Variants in CNTNAP2 observed in about 807,000 individuals in gnomAD.
CNTNAP2 encodes contactin associated protein 2.
CNTNAP2 carries 98 observed loss-of-function variants against 155.2 expected under a neutral mutation model. The ratio of observed to expected loss-of-function variants is 0.63; its 90% CI spans 0.54 to 0.75. CNTNAP2 has a LOEUF of 0.75. CNTNAP2 is among the 30% of genes least tolerant of loss of function. The pLI is 0.00. For missense variants in CNTNAP2, 1,727 were observed against 1,688.1 expected (o/e 1.02, Z -0.40); for synonymous variants, 651 against 631.2 (o/e 1.03, Z -0.47).
chr7:147,517,606 A>T (rs1220137672), intron 11 of CNTNAP2, among the ~76,000 whole-genome samples: 1 of 152,234 alleles, frequency 6.6e-6, no homozygotes, highest in Non-Finnish European at 1.5e-5. Context: ...AGCTATGATA[A>T]ACAAGAGGAA....
chr7:146,156,003 C>T (rs573901628), intron 1 of CNTNAP2, among the ~76,000 whole-genome samples: 3 of 151,994 alleles, frequency 2.0e-5, no homozygotes, highest in South Asian at 4.2e-4. Flanking sequence ...TACACTTGGG[C>T]GACAATATCA....
At chr7:147,134,351 T>A (rs1801436851) in intron 8 of CNTNAP2, among the ~76,000 whole-genome samples, 1 of 152,076 alleles carries the variant, frequency 6.6e-6, no homozygotes, top group Admixed American at 6.6e-5. Context: ...TTAATAGATT[T>A]GCTTAAACCT....
intron 10 of CNTNAP2, among the ~76,000 whole-genome samples, chr7:147,471,128 C>T (rs1339108747): frequency 6.6e-6 from 1 of 152,082 alleles, no homozygotes; most frequent in Non-Finnish European, 1.5e-5. Flanking sequence ...GGAGACAAAG[C>T]CTAATCACCT....
chr7:146,483,313 A>ACTCCG (rs1797003511), intron 1 of CNTNAP2, among the ~76,000 whole-genome samples: 1 of 92,870 alleles, frequency 1.1e-5, no homozygotes. Context: ...ATATATATAT[A>ACTCCG]TATATATATA....
At position 147,953,678 on chromosome 7, in the gene CNTNAP2, T is replaced by C. The variant is rs182020910; in HGVS notation, c.2256-24184T>C. 1.4e-4 allele frequency among the ~76,000 whole-genome samples: 22 copies of C among 152,080 alleles called. No homozygotes were observed. In the East Asian group the frequency reaches 3.3e-3, roughly 23 times the overall value. On this transcript the variant is annotated intron_variant, in intron 14 of 23. Coordinates refer to ENST00000361727, the MANE Select transcript of CNTNAP2 (RefSeq NM_014141.6). ...ACAGAGTAGCCTAAAGCAACAAAAA[T>C]TTACTCTCTCAAGGTTCTAGAGGCC...
chr7:147,813,263 A>G (rs533718938), intron 13 of CNTNAP2, among the ~76,000 whole-genome samples: 27 of 152,318 alleles, frequency 1.8e-4, no homozygotes, highest in Admixed American at 3.3e-4. Flanking sequence ...TAGTCTCACC[A>G]GGGGAAGTTC....
intron 8 of CNTNAP2, among the ~76,000 whole-genome samples, chr7:147,277,109 C>T (rs982567066): frequency 1.3e-5 from 2 of 152,006 alleles, no homozygotes; most frequent in South Asian, 2.1e-4. Context: ...ACACCAATGA[C>T]AGCTAGTATT....
intron 1 of CNTNAP2, among the ~76,000 whole-genome samples, chr7:146,352,146 T>C (rs1320040313): frequency 6.6e-6 from 1 of 152,208 alleles, no homozygotes; most frequent in African/African-American, 2.4e-5. Context: ...TTAAGAGGAA[T>C]TTATTTGTAT....
chr7:146,475,010 C>T (rs868785972), intron 1 of CNTNAP2, among the ~76,000 whole-genome samples: 20 of 130,048 alleles, frequency 1.5e-4, no homozygotes, highest in East Asian at 6.5e-4. Flanking sequence ...CGCGCGCGCG[C>T]GCGCACACAC....
At position 146,116,974 on chromosome 7, in the gene CNTNAP2, G is replaced by T; in HGVS notation, c.97+1G>T. Reference sequence around the variant, plus strand: ...GCCTGGACGGCTCCCTCCACGTCCCGTAAGTAGCCGTCTCCTCGCTCTGCT... The same window carrying T: ...GCCTGGACGGCTCCCTCCACGTCCCTTAAGTAGCCGTCTCCTCGCTCTGCT... On this transcript the variant is annotated splice_donor_variant, in intron 1 of 23. Coordinates refer to ENST00000361727, the MANE Select transcript of CNTNAP2 (RefSeq NM_014141.6). LOFTEE classifies it high-confidence loss of function. The surrounding 1 kb of genome is among the most constrained non-coding windows in gnomAD (Gnocchi z 5.5). 6.5e-7 allele frequency: 1 copy of T among 1,550,360 alleles called. No individual in the cohort carries two copies. Among genetic ancestry groups the T allele is most frequent in the Non-Finnish European group, 8.7e-7 (1 of 1,146,488 alleles).
intron 1 of CNTNAP2, among the ~76,000 whole-genome samples, chr7:146,259,437 T>C (rs973903889): frequency 3.3e-5 from 5 of 152,130 alleles, no homozygotes; most frequent in Admixed American, 1.3e-4. Flanking sequence ...TGAATGGTGT[T>C]GACCAAAATG....
chr7:147,232,618 A>G (rs1188614696), intron 8 of CNTNAP2, among the ~76,000 whole-genome samples: 2 of 152,208 alleles, frequency 1.3e-5, no homozygotes, highest in Non-Finnish European at 2.9e-5. Flanking sequence ...GTTTGGGAAA[A>G]CTGGATATTC....
intron 22 of CNTNAP2, among the ~76,000 whole-genome samples, chr7:148,391,402 G>T (rs910657694): frequency 1.3e-5 from 2 of 152,116 alleles, no homozygotes; most frequent in South Asian, 4.2e-4. Flanking sequence ...TTTTTATAGG[G>T]GGATGAGGTA....
chr7:146,279,204 G>T (rs1204875652), intron 1 of CNTNAP2, among the ~76,000 whole-genome samples: 1 of 152,060 alleles, frequency 6.6e-6, no homozygotes, highest in East Asian at 1.9e-4. Context: ...CCTAAATAAT[G>T]AATGTTGTTG....
intron 21 of CNTNAP2, among the ~76,000 whole-genome samples, chr7:148,345,484 T>C (rs960141911): frequency 5.9e-5 from 9 of 152,274 alleles, no homozygotes; most frequent in Admixed American, 5.2e-4. Flanking sequence ...TGCCTCAGCC[T>C]CCTGAGTAGC....
chr7:146,281,911 G>T (rs1474693504), intron 1 of CNTNAP2, among the ~76,000 whole-genome samples: 2 of 152,232 alleles, frequency 1.3e-5, no homozygotes, highest in African/African-American at 2.4e-5. Context: ...TTATTAGTGT[G>T]CAGTGGCTGG....
intron 10 of CNTNAP2, among the ~76,000 whole-genome samples, chr7:147,437,907 C>G (rs1278966549): frequency 6.6e-6 from 1 of 151,722 alleles, no homozygotes; most frequent in African/African-American, 2.4e-5. Context: ...CTTTCATTTC[C>G]TTAAGATTGA....
At chr7:148,254,491 CTT>C (rs1429065795) in intron 20 of CNTNAP2, among the ~76,000 whole-genome samples, 3 of 152,048 alleles carry the variant, frequency 2.0e-5, no homozygotes, top group African/African-American at 7.2e-5. Context: ...TAATTAAAAA[CTT>C]AGGCCATGCA....
At chr7:147,460,361 A>T (rs1309696631) in intron 10 of CNTNAP2, among the ~76,000 whole-genome samples, 1 of 152,128 alleles carries the variant, frequency 6.6e-6, no homozygotes, top group East Asian at 1.9e-4. Flanking sequence ...CAACTGTATT[A>T]GGTGTGTAAA....
Sources: gnomAD v4.1 joint callset for allele counts (sites outside exome capture counted in the v4.1 genomes callset) on GRCh38, gnomAD v4.1.1 for gene constraint, Gnocchi (gnomAD v3.1) non-coding constraint, MANE v1.5 for transcripts, NCBI Gene and HGNC (gene_info 2026-07-23, HGNC 2026-07-21) for gene names.